The following PPHLN1 variants were observed in gnomAD, a reference collection of about 807,000 sequenced individuals.
PPHLN1 encodes periphilin-1.
A neutral mutation model predicts 51.3 loss-of-function variants in PPHLN1; 29 were observed. That is an observed-to-expected ratio of 0.57 (90% confidence interval 0.42 to 0.77). PPHLN1 has a LOEUF of 0.77. PPHLN1 is among the 30% of genes least tolerant of loss of function. PPHLN1 has a pLI of 0.00. For synonymous variants in PPHLN1, 147 were observed against 147.8 expected (o/e 0.99, Z 0.04); for missense variants, 436 against 438.4 (o/e 0.99, Z 0.05).
chr12:42,424,912 T>C (rs1270243280), intron 9 of PPHLN1, among the ~76,000 whole-genome samples: 1 of 152,092 alleles, frequency 6.6e-6, no homozygotes, highest in Non-Finnish European at 1.5e-5. Flanking sequence ...AAAAGCATAA[T>C]AACACGTGTA....
chr12:42,436,657 G>A (rs569439387), intron 9 of PPHLN1, among the ~76,000 whole-genome samples: 1 of 152,208 alleles, frequency 6.6e-6, no homozygotes, highest in East Asian at 1.9e-4. Context: ...GTGGATCCCT[G>A]AAACTCAGAT....
At chr12:42,360,458 CTTTTTTTTTTTTTT>C (rs71084642) in intron 4 of PPHLN1, among the ~76,000 whole-genome samples, 4 of 56,272 alleles carry the variant, frequency 7.1e-5, no homozygotes, top group Admixed American at 2.6e-4. Flanking sequence ...ATGCTGAATT[CTTTTTTTTTTTTTT>C]TTTTTTTTTT....
At chr12:42,402,021 A>AT (rs1348343354) in intron 9 of PPHLN1, among the ~76,000 whole-genome samples, 6 of 151,180 alleles carry the variant, frequency 4.0e-5, no homozygotes, top group Middle Eastern at 6.8e-3. Flanking sequence ...CTCCCAGCTA[A>AT]TTTTTTTTTG....
chr12:42,365,907 A>G (rs1467768727), intron 4 of PPHLN1, among the ~76,000 whole-genome samples: 1 of 152,144 alleles, frequency 6.6e-6, no homozygotes, highest in East Asian at 1.9e-4. Context: ...AGTTCATTGT[A>G]TTGAATGCAT....
At chr12:42,447,459 CTA>C (rs1291496066), downstream of PPHLN1, 1 of 152,202 alleles carries the variant, frequency 6.6e-6, no homozygotes, top group Non-Finnish European at 1.5e-5. Flanking sequence ...ACCAAGCAGT[CTA>C]TGGAAACAAC....
intron 9 of PPHLN1, among the ~76,000 whole-genome samples, chr12:42,404,734 A>C (rs1182698540): frequency 6.6e-6 from 1 of 152,038 alleles, no homozygotes; most frequent in Non-Finnish European, 1.5e-5. Flanking sequence ...ACTATTAAAA[A>C]ATATTTGTTT....
chr12:42,425,144 G>A (rs1278433237), intron 9 of PPHLN1, among the ~76,000 whole-genome samples: 2 of 150,210 alleles, frequency 1.3e-5, no homozygotes, highest in Non-Finnish European at 3.0e-5. Flanking sequence ...GCAGTGGCGC[G>A]ATCTCGGCTC....
chr12:42,400,784 TCTCTCTCTCTC>T (rs2078758129), intron 9 of PPHLN1, among the ~76,000 whole-genome samples: 1 of 139,356 alleles, frequency 7.2e-6, no homozygotes, highest in South Asian at 2.4e-4. Flanking sequence ...TTTCTCTCTC[TCTCTCTCTCTC>T]TTTCACACAC....
intron 9 of PPHLN1, among the ~76,000 whole-genome samples, chr12:42,427,063 G>A (rs972934856): frequency 1.3e-5 from 2 of 152,140 alleles, no homozygotes; most frequent in Non-Finnish European, 2.9e-5. Context: ...AGAACTGGCT[G>A]TTGCCAGTTA....
intron 9 of PPHLN1, among the ~76,000 whole-genome samples, chr12:42,424,850 C>T (rs1445186551): frequency 2.6e-5 from 4 of 151,782 alleles, no homozygotes; most frequent in Non-Finnish European, 5.9e-5. Flanking sequence ...TTTTTCTAAG[C>T]ATACAGAATA....
intron 9 of PPHLN1, chr12:42,399,319 T>C (rs560683758): frequency 4.6e-6 from 4 of 867,042 alleles, no homozygotes; most frequent in Middle Eastern, 5.8e-4. Context: ...TGTTAGCAAA[T>C]GTTATTTTTG....
chr12:42,397,538 A>G (rs1471292870), intron 8 of PPHLN1, among the ~76,000 whole-genome samples: 2 of 150,616 alleles, frequency 1.3e-5, no homozygotes, highest in Non-Finnish European at 3.0e-5. Flanking sequence ...ACCAGTTTAC[A>G]CATTGTGTAT....
chr12:42,421,371 G>C (rs2080990916), intron 9 of PPHLN1, among the ~76,000 whole-genome samples: 1 of 152,056 alleles, frequency 6.6e-6, no homozygotes, highest in Non-Finnish European at 1.5e-5. Flanking sequence ...GATTGAGATG[G>C]AGTTTTGCTC....
intron 4 of PPHLN1, among the ~76,000 whole-genome samples, chr12:42,372,673 C>G (rs1049663826): frequency 6.6e-6 from 1 of 151,938 alleles, no homozygotes; most frequent in African/African-American, 2.4e-5. Context: ...CTTTGCTTTC[C>G]TCTATACCAG....
At chr12:42,376,255 A>C (rs1384880531) in intron 5 of PPHLN1, among the ~76,000 whole-genome samples, 2 of 152,122 alleles carry the variant, frequency 1.3e-5, no homozygotes, top group African/African-American at 2.4e-5. Context: ...TCTTTTTTTC[A>C]AATAATAAGA....
chr12:42,389,694 T>C (rs759623743), intron 7 of PPHLN1, among the ~76,000 whole-genome samples: 3 of 152,260 alleles, frequency 2.0e-5, no homozygotes, highest in East Asian at 1.9e-4. Context: ...TTAGTACTTA[T>C]TGCTGCAACC....
At chr12:42,411,052 T>C (rs147000160) in intron 9 of PPHLN1, among the ~76,000 whole-genome samples, 161 of 152,246 alleles carry the variant, frequency 1.1e-3, no homozygotes, top group East Asian at 6.2e-3. Flanking sequence ...TGGAAAATTA[T>C]AGTGTTATCT....
rs187207002 is a variant in PPHLN1, at chr12:42,411,794, A to C, written c.909+12800A>C. 7.2e-4 allele frequency among the ~76,000 whole-genome samples: 107 copies of C among 148,056 alleles called. 1 individual carries two copies. The East Asian group carries it at 0.019, about 27-fold the overall frequency. Reference sequence around the variant, plus strand: ...GTGGTGCATGCCTGTAGTCTCAGCCACTCGGGAGGCTGAGGCACGAGAATC... The same window carrying C: ...GTGGTGCATGCCTGTAGTCTCAGCCCCTCGGGAGGCTGAGGCACGAGAATC... On this transcript the variant is annotated intron_variant, in intron 9 of 9. Coordinates refer to ENST00000358314, the MANE Select transcript of PPHLN1 (RefSeq NM_201439.2).
chr12:42,370,915 C>G (rs748197594), intron 4 of PPHLN1, among the ~76,000 whole-genome samples: 1 of 152,068 alleles, frequency 6.6e-6, no homozygotes, highest in Non-Finnish European at 1.5e-5. Context: ...AAGCAATTCT[C>G]CTGACTTAGC....
Sources: gnomAD v4.1 joint callset for allele counts (sites outside exome capture counted in the v4.1 genomes callset) on GRCh38, gnomAD v4.1.1 for gene constraint, MANE v1.5 for transcripts, NCBI Gene and HGNC (gene_info 2026-07-23, HGNC 2026-07-21) for gene names.